Variants in ANK1 observed in about 807,000 individuals in gnomAD.
ANK1 encodes ankyrin-1.
A neutral mutation model predicts 210.4 loss-of-function variants in ANK1; 51 were observed. The observed-to-expected ratio is 0.24, with a 90% CI of 0.19 to 0.31. The LOEUF (loss-of-function observed/expected upper bound fraction) is 0.31, where lower values mean the gene tolerates loss of function less well. ANK1 is among the 10% of genes least tolerant of loss of function. The probability of loss-of-function intolerance (pLI) is 1.00; values close to 1 mark genes in which losing one functional copy is unlikely to be tolerated. For synonymous variants in ANK1, 967 were observed against 1,025.9 expected, an observed-to-expected ratio of 0.94 and a Z score of 1.10; for missense variants, 2,051 against 2,504.4, an observed-to-expected ratio of 0.82 and a Z score of 3.86.
chr8:41,712,533 A>T (rs982742472), intron 16 of ANK1, among the ~76,000 whole-genome samples: 39 of 152,358 alleles, frequency 2.6e-4, no homozygotes, highest in African/African-American at 9.4e-4. Flanking sequence ...GACAAGGACA[A>T]CTAGGCTGGA....
At chr8:41,772,929 G>A (rs4737010) in intron 1 of ANK1, among the ~76,000 whole-genome samples, 47,591 of 151,916 alleles carry the variant, frequency 0.31, 8,513 homozygotes, top group East Asian at 0.52. Flanking sequence ...CCCAGCCAGC[G>A]ACCACCCTGG....
intron 2 of ANK1, among the ~76,000 whole-genome samples, chr8:41,742,889 G>A (rs1368044942): frequency 3.9e-5 from 6 of 152,206 alleles, no homozygotes; most frequent in Admixed American, 3.9e-4. Flanking sequence ...TGATAAGGAG[G>A]AAGTTGTCTA....
At chr8:41,672,934 A>G in intron 37 of ANK1, 22 bp from the exon 38 acceptor site, 1 of 1,583,650 alleles carries the variant, frequency 6.3e-7, no homozygotes, top group Non-Finnish European at 8.5e-7. Context: ...GACAGAGGGC[A>G]ACATGCTCCA....
At chr8:41,664,243 C>A in intron 39 of ANK1, 1 of 448,074 alleles carries the variant, frequency 2.2e-6, no homozygotes, top group East Asian at 7.0e-5. Context: ...AGGCCAAGGC[C>A]GGAGGACCAC....
chr8:41,769,748 C>T (rs1364022393), intron 1 of ANK1, among the ~76,000 whole-genome samples: 1 of 152,060 alleles, frequency 6.6e-6, no homozygotes, highest in Non-Finnish European at 1.5e-5. Flanking sequence ...CAAAAGTTTC[C>T]TCATGCCTCT....
At chr8:41,884,444 G>A (rs548880140) in intron 1 of ANK1, among the ~76,000 whole-genome samples, 1 of 152,300 alleles carries the variant, frequency 6.6e-6, no homozygotes, top group South Asian at 2.1e-4. Context: ...GAAGGGATCT[G>A]GTCACCACTG....
chr8:41,689,252 T>A (rs1047710747), intron 33 of ANK1, among the ~76,000 whole-genome samples: 5 of 151,794 alleles, frequency 3.3e-5, no homozygotes, highest in African/African-American at 1.2e-4. Context: ...GCCTCTCGAG[T>A]GCCAGGACTA....
chr8:41,704,560 G>A lies in ANK1; in HGVS notation c.2098-88C>T, dbSNP rs1824037603. On this transcript the variant is annotated intron_variant, in intron 18 of 42. Coordinates refer to ENST00000289734, the MANE Select transcript of ANK1 (RefSeq NM_000037.4). The surrounding 1 kb of genome is among the most constrained non-coding windows in gnomAD (Gnocchi z 4.1). ...TCCCAAAGCAGCTGATTCAAAGAGA[G>A]AACGGACAGGGAGCCCCTTGAAGGC... The A allele has an allele frequency of 8.5e-7, 1 of 1,171,136 alleles. No homozygotes were observed. The allele number at this position is 1,171,136 out of a possible 1,614,324, so 72.5% of individuals were successfully genotyped here. A position where few individuals can be genotyped will look rare whatever the true frequency, so the allele number is the denominator to read the frequency against.
intron 1 of ANK1, among the ~76,000 whole-genome samples, chr8:41,816,686 T>C (rs971167816): frequency 6.6e-6 from 1 of 152,190 alleles, no homozygotes; most frequent in Non-Finnish European, 1.5e-5. Flanking sequence ...CACCTAAGCG[T>C]CCCAAAGTGT....
intron 15 of ANK1, 117 bp from the exon 16 acceptor site, chr8:41,714,371 C>T (rs749100316): frequency 1.7e-4 from 136 of 783,940 alleles, no homozygotes; most frequent in Non-Finnish European, 2.5e-4. Context: ...AAAATCTTTC[C>T]CAGGCCAGTC....
chr8:41,665,356 G>C (rs749758122), intron 39 of ANK1: 6 of 1,128,356 alleles, frequency 5.3e-6, no homozygotes, highest in Non-Finnish European at 7.1e-6. Context: ...GAAGGAAGCC[G>C]GCAGGTGCCC....
At chr8:41,686,776 T>C (rs2150581088) in intron 35 of ANK1, among the ~76,000 whole-genome samples, 1 of 152,298 alleles carries the variant, frequency 6.6e-6, no homozygotes, top group African/African-American at 2.4e-5. Context: ...AGAGGCTTTA[T>C]TTACATTTAA....
rs1335248635 is a variant in ANK1 at position 41,694,584 on chromosome 8, G to T, written c.3327+8C>A. On this transcript the variant is annotated splice_region_variant and intron_variant, in intron 28 of 42. Transcript: ENST00000289734. This position sits in a 1 kb window ranked among gnomAD's most constrained non-coding sequence, Gnocchi z 5.7. ...CCCCCAGGACCTGGCGGGGAGGAGG[G>T]CTGTCACCTGCAGAGCCAGCTTCAC... The T allele has an allele frequency of 6.2e-7, 1 of 1,611,536 alleles. No individual in the cohort carries two copies. Among genetic ancestry groups the T allele is most frequent in the Non-Finnish European group, 8.5e-7 (1 of 1,179,476 alleles).
chr8:41,822,064 AAGAG>A (rs10605195), intron 1 of ANK1, among the ~76,000 whole-genome samples: 2,760 of 35,320 alleles, frequency 0.078, 46 homozygotes, highest in East Asian at 0.12. Flanking sequence ...GAAAGAAAGA[AAGAG>A]AGAGAGAGAG....
chr8:41,795,237 G>C (rs1483789537), intron 1 of ANK1, among the ~76,000 whole-genome samples: 1 of 152,168 alleles, frequency 6.6e-6, no homozygotes, highest in Non-Finnish European at 1.5e-5. Flanking sequence ...TATAGGCCAG[G>C]CGCAGCGGCT....
intron 1 of ANK1, among the ~76,000 whole-genome samples, chr8:41,895,280 G>A (rs1357809448): frequency 1.3e-5 from 2 of 152,242 alleles, no homozygotes; most frequent in African/African-American, 4.8e-5. Flanking sequence ...AGCCGTGCAG[G>A]CTGGGCCCCA....
intron 1 of ANK1, among the ~76,000 whole-genome samples, chr8:41,857,234 C>T (rs1265005666): frequency 6.7e-6 from 1 of 149,442 alleles, no homozygotes; most frequent in Non-Finnish European, 1.5e-5. Context: ...AAATTCTCTA[C>T]TCTAAAGTAC....
Position 41,708,737 on chromosome 8 carries a change from T to A in ANK1, c.1998+41A>T, listed in dbSNP as rs371000044. 145 of 1,607,646 alleles carry A rather than the reference T, an allele frequency of 9.0e-5. No homozygotes were observed. The African/African-American group carries it at 1.7e-3, about 19-fold the overall frequency. ...TCAATATGAAGACACCACACGTTGT[T>A]ATCCAGCACTCCAGGGCAGATCCGA... On this transcript the variant is annotated intron_variant, in intron 17 of 42. Transcript: ENST00000289734.
chr8:41,696,510 A>T lies in ANK1; in HGVS notation c.2813T>A (p.Ile938Asn). 1 of 1,613,516 alleles carries T rather than the reference A, an allele frequency of 6.2e-7. No individual in the cohort carries two copies. The highest frequency in any genetic ancestry group is 8.5e-7 in the Non-Finnish European group (1 of 1,179,996). Residue 938 changes from isoleucine to asparagine, a missense_variant, in exon 26 of 43, where the codon ATC becomes AAC. This residue lies in a region of ANK1 where 1,413 missense variants were observed against 1,707.4 expected (regional missense o/e 0.83). Coordinates refer to ENST00000289734, the MANE Select transcript of ANK1 (RefSeq NM_000037.4). ...GGGCGCTGCGCACGTCCGTGGCGGG[A>T]TCACCACTCGCAGGCCGTTGTGGCG... The part of the protein sequence containing the change: ...GSRHNGLRVV[I>N]PPRTCAAPTR...
Sources: gnomAD v4.1 joint callset for allele counts (sites outside exome capture counted in the v4.1 genomes callset) on GRCh38, gnomAD v4.1.1 for gene constraint, gnomAD v4.1.1 regional missense constraint, Gnocchi (gnomAD v3.1) non-coding constraint, MANE v1.5 for transcripts, NCBI Gene and HGNC (gene_info 2026-07-23, HGNC 2026-07-21) for gene names.